The following SMC4 variants were observed in gnomAD, a reference collection of about 807,000 sequenced individuals.
SMC4 encodes structural maintenance of chromosomes 4.
A neutral mutation model predicts 145.6 loss-of-function variants in SMC4; 87 were observed. The observed-to-expected ratio is 0.60, with a 90% CI of 0.50 to 0.71. The LOEUF (loss-of-function observed/expected upper bound fraction) is 0.71, where lower values mean the gene tolerates loss of function less well. Among genes scored for constraint, SMC4 ranks in the 30% least tolerant of loss-of-function variants. The pLI, the probability that SMC4 is intolerant of heterozygous loss-of-function variation, is 0.00. For missense variants in SMC4, 1,447 were observed against 1,537.1 expected (o/e 0.94, Z 0.98); for synonymous variants, 558 against 500.7 (o/e 1.11, Z -1.53).
intron 12 of SMC4, among the ~76,000 whole-genome samples, chr3:160,420,273 A>G (rs1388326099): frequency 6.6e-6 from 1 of 152,192 alleles, no homozygotes; most frequent in Non-Finnish European, 1.5e-5. Flanking sequence ...AAATTACCCA[A>G]CATGATTGCT....
intron 5 of SMC4, among the ~76,000 whole-genome samples, chr3:160,408,476 T>C (rs577830454): frequency 5.5e-4 from 84 of 152,282 alleles, no homozygotes; most frequent in African/African-American, 2.0e-3. Context: ...ATACAAGAAA[T>C]AGAGATAACA....
At position 160,402,841 on chromosome 3, in the gene SMC4, G is replaced by A; in HGVS notation, c.484G>A (p.Val162Ile). ...GGACATTCAGAGTTGTACAGTAGAAGTTCATTTTCAAAAGATAATTGATAA... is the reference window on the plus strand; with the variant it reads ...GGACATTCAGAGTTGTACAGTAGAAATTCATTTTCAAAAGATAATTGATAA... Reference protein sequence around the residue: ...HKDIQSCTVEVHFQKIIDKEG... With the variant: ...HKDIQSCTVEIHFQKIIDKEG... The change falls in exon 4 of 24, where the codon GTT (valine) becomes ATT (isoleucine). Residue 162 changes from valine (V) to isoleucine (I), a missense_variant. By Grantham distance (29) the Val-to-Ile change is conservative. Transcript: ENST00000357388. 1 of 1,567,976 alleles carries A rather than the reference G, an allele frequency of 6.4e-7. No homozygotes were observed. Among genetic ancestry groups the A allele is most frequent in the Non-Finnish European group, 8.6e-7 (1 of 1,164,326 alleles).
rs1393956217 is a variant in SMC4 at position 160,416,276 on chromosome 3, C to T, written c.1298C>T (p.Ala433Val). 3 of 1,592,968 alleles carry T rather than the reference C, an allele frequency of 1.9e-6. No homozygotes were observed. Among genetic ancestry groups the T allele is most frequent in the East Asian group, 2.2e-5 (1 of 44,588 alleles). ...EKVEEFKSIP[A>V]KSNNIINETT... ...GTTGAAGAATTTAAAAGTATACCTG[C>T]CAAGAGTAACAATATCATTAATGAA... Residue 433 changes from alanine to valine, a missense_variant, in exon 10 of 24, where the codon GCC (alanine) becomes GTC (valine). Physicochemically the swap from Ala to Val is moderately conservative, Grantham distance 64. Transcript: ENST00000357388.
At chr3:160,422,602 A>G (rs1301620725) in intron 13 of SMC4, among the ~76,000 whole-genome samples, 2 of 152,146 alleles carry the variant, frequency 1.3e-5, no homozygotes, top group African/African-American at 2.4e-5. Context: ...TATGATTTAC[A>G]GATATTTTAC....
At position 160,425,012 on chromosome 3, in the gene SMC4, G is replaced by C. The variant is rs1717617261; in HGVS notation, c.2471G>C (p.Ser824Thr). Residue 824 changes from serine (S) to threonine (T), a missense_variant, in exon 16 of 24, where the codon AGC (serine) becomes ACC (threonine). Ser to Thr is a moderately conservative substitution (Grantham distance 58, BLOSUM62 1). Coordinates refer to ENST00000357388, the MANE Select transcript of SMC4 (RefSeq NM_001002800.3). ...AACACACTAGAAAAATTTACTGCAA[G>C]CATCCAGGTATGTGTGTGTGTGTGT... The part of the protein sequence containing the change: ...MRNTLEKFTA[S>T]IQRLIEQEEY... 6.9e-6 allele frequency: 11 copies of C among 1,602,810 alleles called. No homozygotes were observed. The East Asian group carries it at 2.2e-4, about 33-fold the overall frequency.
intron 2 of SMC4, among the ~76,000 whole-genome samples, chr3:160,401,631 T>C (rs965282227): frequency 6.6e-6 from 1 of 152,190 alleles, no homozygotes; most frequent in Non-Finnish European, 1.5e-5. Flanking sequence ...TATGATGTAG[T>C]GTTTTGACTC....
Position 160,423,542 on chromosome 3 carries a change from C to T in SMC4, c.2137C>T (p.Arg713Ter). Residue 713 changes from arginine (R) to a stop codon, truncating the protein, a stop_gained, in exon 14 of 24, where the codon CGA becomes TGA. Transcript: ENST00000357388. LOFTEE classifies it high-confidence loss of function. ...KIRQAFYFAL[R>*]DTLVADNLDQ... ...TCGCCAAGCTTTTTATTTTGCTTTA[C>T]GAGATACCTTAGTAGCTGACAACTT... The T allele has an allele frequency of 1.2e-6, 2 of 1,613,632 alleles. No individual in the cohort carries two copies. The highest frequency in any genetic ancestry group is 1.7e-6 in the Non-Finnish European group (2 of 1,179,784).
At position 160,416,369 on chromosome 3, in the gene SMC4, T is replaced by C. The variant is rs1716588809; in HGVS notation, c.1391T>C (p.Met464Thr). 1.3e-6 allele frequency: 2 copies of C among 1,594,394 alleles called. No homozygotes were observed. Among genetic ancestry groups the C allele is most frequent in the South Asian group, 1.1e-5 (1 of 88,028 alleles). Residue 464 changes from methionine to threonine, a missense_variant, in exon 10 of 24, where the codon ATG (methionine) becomes ACG (threonine). By Grantham distance (81) the Met-to-Thr change is moderately conservative (BLOSUM62 -1). Transcript: ENST00000357388. Reference sequence around the variant, plus strand: ...GAAGAAAAAAAATTAAAGGAAGTTATGGATAGCCTTAAACAGGAAACACAA... The same window carrying C: ...GAAGAAAAAAAATTAAAGGAAGTTACGGATAGCCTTAAACAGGAAACACAA... The part of the protein sequence containing the change: ...EKEEKKLKEV[M>T]DSLKQETQGL...
At chr3:160,413,907 A>G (rs1716307545) in intron 8 of SMC4, 1 of 305,994 alleles carries the variant, frequency 3.3e-6, no homozygotes, top group African/African-American at 2.3e-5. Flanking sequence ...CACAAATCTG[A>G]TAGAGGGATA....
rs181334050 is a variant in SMC4, at chr3:160,401,911, T to C, written c.140-4T>C. Reference sequence around the variant, plus strand: ...TTCGTTTTCCTTTCCTTTCACTGACTTAGAGACTGCAAGTGAGGAACTTGA... The same window carrying C: ...TTCGTTTTCCTTTCCTTTCACTGACCTAGAGACTGCAAGTGAGGAACTTGA... On this transcript the variant is annotated splice_polypyrimidine_tract_variant and splice_region_variant and intron_variant, in intron 2 of 23. Transcript: ENST00000357388. 17 of 1,597,402 alleles carry C rather than the reference T, an allele frequency of 1.1e-5. No individual in the cohort carries two copies. Among genetic ancestry groups the C allele is most frequent in the Non-Finnish European group, 1.4e-5 (16 of 1,173,498 alleles).
At chr3:160,406,668 C>T (rs891321284) in intron 5 of SMC4, among the ~76,000 whole-genome samples, 5 of 151,966 alleles carry the variant, frequency 3.3e-5, no homozygotes, top group Non-Finnish European at 5.9e-5. Context: ...TAAAAATAAA[C>T]ATTTATTTTT....
intron 5 of SMC4, among the ~76,000 whole-genome samples, chr3:160,408,265 G>T (rs1407795244): frequency 6.6e-6 from 1 of 152,072 alleles, no homozygotes; most frequent in Non-Finnish European, 1.5e-5. Context: ...GCTAAAATTT[G>T]GATTACATTT....
chr3:160,401,156 G>A (rs2108441381), intron 2 of SMC4, among the ~76,000 whole-genome samples, 191 bp downstream of exon 2: 1 of 152,232 alleles, frequency 6.6e-6, no homozygotes, highest in Admixed American at 6.5e-5. Context: ...TGGTGTAACG[G>A]CGCTGGAAGG....
chr3:160,432,409 A>C lies in SMC4; in HGVS notation c.3424A>C (p.Ile1142Leu). 1.7e-5 allele frequency: 27 copies of C among 1,613,086 alleles called. No individual in the cohort carries two copies. The highest frequency in any genetic ancestry group is 2.3e-5 in the Non-Finnish European group (27 of 1,179,208). The change falls in exon 22 of 24, where the codon ATA (isoleucine) becomes CTA (leucine). Residue 1142 changes from isoleucine to leucine, a missense_variant. Transcript: ENST00000357388. The stretch of plus-strand genomic sequence containing the variant: ...TGAATTTATGGCAGGTTTTTATATA[A>C]TAACAAATAAATTAAAGGAAAATTA... ...LNEFMAGFYIITNKLKENYQM... is the reference protein window; with the variant it reads ...LNEFMAGFYILTNKLKENYQM...
At chr3:160,425,140 T>C in intron 16 of SMC4, 121 bp downstream of exon 16, 15 of 1,304,068 alleles carry the variant, frequency 1.2e-5, no homozygotes, top group South Asian at 1.6e-5. Context: ...GGAGGGAGGA[T>C]CTATAGGCAG....
At chr3:160,413,791 A>G in intron 8 of SMC4, 178 bp downstream of exon 8, 1 of 417,056 alleles carries the variant, frequency 2.4e-6, no homozygotes, top group Non-Finnish European at 4.3e-6. Context: ...TACAGATGAA[A>G]TTCCCTACTC....
At chr3:160,400,708 G>A in intron 1 of SMC4, 114 bp from the exon 2 acceptor site, 1 of 1,287,944 alleles carries the variant, frequency 7.8e-7, no homozygotes. Flanking sequence ...CTGCCTCTAA[G>A]CGGAGTGTTA....
At position 160,413,551 on chromosome 3, in the gene SMC4, GAA is replaced by G. The variant is rs2108469625; in HGVS notation, c.1060_1061del (p.Lys354GlufsTer7). ...IHEDTKEINE[K>X]SNILSNEMKA... ...ATGAAGATACCAAAGAAATTAATGA[GAA>G]GAGCAATATACTATCAAATGAAATG... On this transcript the variant is annotated frameshift_variant, in exon 8 of 24. Transcript: ENST00000357388. LOFTEE classifies it high-confidence loss of function. 2 of 1,538,498 alleles carry G rather than the reference GAA, an allele frequency of 1.3e-6. No individual in the cohort carries two copies. Among genetic ancestry groups the G allele is most frequent in the East Asian group, 2.3e-5 (1 of 43,926 alleles).
intron 9 of SMC4, 133 bp downstream of exon 9, chr3:160,414,650 C>A: frequency 2.1e-6 from 2 of 936,962 alleles, no homozygotes; most frequent in Non-Finnish European, 3.2e-6. Context: ...TGTCTCTGAA[C>A]ATGATTTTAC....
Sources: gnomAD v4.1 joint callset for allele counts (sites outside exome capture counted in the v4.1 genomes callset) on GRCh38, gnomAD v4.1.1 for gene constraint, MANE v1.5 for transcripts, NCBI Gene and HGNC (gene_info 2026-07-23, HGNC 2026-07-21) for gene names.